COL4A4: variants seen among roughly 807,000 people sequenced by gnomAD.
The protein encoded by COL4A4 is collagen alpha-4(IV) chain.
Under a neutral mutation model 192.9 loss-of-function variants are expected in COL4A4, and 105 were observed. The ratio of observed to expected loss-of-function variants is 0.54; its 90% confidence interval spans 0.46 to 0.64. COL4A4 has a LOEUF of 0.64. COL4A4 is among the 30% of genes least tolerant of loss of function. The probability of loss-of-function intolerance (pLI) is 0.00; values close to 1 mark genes in which losing one functional copy is unlikely to be tolerated. For synonymous variants in COL4A4, 762 were observed against 769.9 expected (o/e 0.99, Z 0.17); for missense variants, 1,967 against 2,169.3 (o/e 0.91, Z 1.85).
intron 35 of COL4A4, among the ~76,000 whole-genome samples, chr2:227,043,691 CATG>C (rs1202386186): frequency 6.6e-6 from 1 of 152,096 alleles, no homozygotes; most frequent in Non-Finnish European, 1.5e-5. Flanking sequence ...GGATAAATAG[CATG>C]ATATTTTGGT....
chr2:226,987,425 C>T, the COL4A4 span, among the ~76,000 whole-genome samples: 4 of 152,200 alleles, frequency 2.6e-5, no homozygotes, highest in East Asian at 7.7e-4. Context: ...AGCATGGCTG[C>T]TTCTGTGCCC....
At chr2:226,988,280 A>C in the COL4A4 span, 1 of 1,520,542 alleles carries the variant, frequency 6.6e-7, no homozygotes, top group Non-Finnish European at 8.8e-7. Context: ...GGCCACTGTA[A>C]GTCTCTTCCC....
At chr2:226,977,244 T>A in the COL4A4 span, among the ~76,000 whole-genome samples, 1 of 152,118 alleles carries the variant, frequency 6.6e-6, no homozygotes, top group Non-Finnish European at 1.5e-5. Context: ...AAGCTCCCCC[T>A]CCCTTTAGTT....
At chr2:227,108,376 G>A (rs1254924746) in intron 12 of COL4A4, among the ~76,000 whole-genome samples, 4 of 152,142 alleles carry the variant, frequency 2.6e-5, no homozygotes, top group African/African-American at 4.8e-5. Context: ...AAATTAACCC[G>A]AAAGTAGTGT....
rs2059820036 is a variant in COL4A4, at chr2:227,089,900, G to A, written c.1427C>T (p.Pro476Leu). 2 of 1,613,440 alleles carry A rather than the reference G, an allele frequency of 1.2e-6. No individual in the cohort carries two copies. The highest frequency in any genetic ancestry group is 1.3e-5 in the African/African-American group (1 of 74,774). The change falls in exon 21 of 48, where the codon CCC (proline) becomes CTC (leucine). Residue 476 changes from proline to leucine, a missense_variant. Coordinates refer to ENST00000396625, the MANE Select transcript of COL4A4 (RefSeq NM_000092.5). ...TCCTTTTGGGCCTCTTCCTCCTGGGGGACCAACTTTGCCTTTTATTCCTTG... is the reference window on the plus strand; with the variant it reads ...TCCTTTTGGGCCTCTTCCTCCTGGGAGACCAACTTTGCCTTTTATTCCTTG... ...GPQGIKGKVG[P>L]PGGRGPKGEK...
chr2:227,101,780 C>T, intron 16 of COL4A4, 85 bp downstream of exon 16: 1 of 1,183,770 alleles, frequency 8.4e-7, no homozygotes, highest in Non-Finnish European at 1.2e-6. Flanking sequence ...ACTGTGTTTG[C>T]ACGCAACAGT....
the COL4A4 span, among the ~76,000 whole-genome samples, chr2:226,975,742 C>T: frequency 6.6e-6 from 1 of 152,156 alleles, no homozygotes; most frequent in African/African-American, 2.4e-5. Flanking sequence ...TTAAGTATTG[C>T]CTTGTGTACT....
rs1362183373 is a variant in COL4A4, at chr2:227,062,430, C to T, written c.2056+100G>A. 12 of 785,796 alleles carry T rather than the reference C, an allele frequency of 1.5e-5. No individual in the cohort carries two copies. The East Asian group carries it at 3.1e-4, about 20-fold the overall frequency. The allele number at this position is 785,796 out of a possible 1,614,324, so 48.7% of individuals were successfully genotyped here. Reference sequence around the variant, plus strand: ...GGTCCCTCAAAACTTCAGAAATGTCCTAACTAGTCTGAGGATTCACTCTTG... The same window carrying T: ...GGTCCCTCAAAACTTCAGAAATGTCTTAACTAGTCTGAGGATTCACTCTTG... On this transcript the variant is annotated intron_variant, in intron 26 of 47. Coordinates refer to ENST00000396625, the MANE Select transcript of COL4A4 (RefSeq NM_000092.5).
intron 25 of COL4A4, among the ~76,000 whole-genome samples, chr2:227,074,597 C>A (rs1011536306): frequency 6.6e-6 from 1 of 152,268 alleles, no homozygotes; most frequent in South Asian, 2.1e-4. Context: ...AAGACACTTG[C>A]ACATGTATGT....
Position 227,105,885 on chromosome 2 carries a change from T to C in COL4A4, c.736-1833A>G, listed in dbSNP as rs189284248. 4.4e-4 allele frequency among the ~76,000 whole-genome samples: 67 copies of C among 152,294 alleles called. 1 individual carries two copies. Among genetic ancestry groups the C allele is most frequent in the Admixed American group, 4.1e-3 (62 of 15,296 alleles). On this transcript the variant is annotated intron_variant, in intron 12 of 47. Coordinates refer to ENST00000396625, the MANE Select transcript of COL4A4 (RefSeq NM_000092.5). ...ATTTTTCTTCTCTGTGAAATGGAGATTGTAATATTACCTACCTCAAACTAT... is the reference window on the plus strand; with the variant it reads ...ATTTTTCTTCTCTGTGAAATGGAGACTGTAATATTACCTACCTCAAACTAT...
Position 227,080,443 on chromosome 2 carries a change from TG to T in COL4A4, c.1802del (p.Pro601GlnfsTer52). On this transcript the variant is annotated frameshift_variant and splice_region_variant, in exon 24 of 48. Coordinates refer to ENST00000396625, the MANE Select transcript of COL4A4 (RefSeq NM_000092.5). LOFTEE classifies it high-confidence loss of function. The stretch of plus-strand genomic sequence containing the variant: ...ATAGCAAGAGAAGAATTCTACATAC[TG>T]GAGGTCCTGGATCCCCTTTTTCTCC... ...HAGEKGDPGP[P>X]GDHEDATPGG... 6.2e-7 allele frequency: 1 copy of T among 1,612,586 alleles called. No homozygotes were observed. The highest frequency in any genetic ancestry group is 8.5e-7 in the Non-Finnish European group (1 of 1,178,594).
Position 227,022,062 on chromosome 2 carries a change from CCT to C in COL4A4, c.4200_4201del (p.Gly1401ProfsTer31). The C allele has an allele frequency of 3.1e-6, 5 of 1,613,948 alleles. No individual in the cohort carries two copies. The highest frequency in any genetic ancestry group is 3.4e-6 in the Non-Finnish European group (4 of 1,179,900). ...GCGGCTCATACCTGGTCCTGAGGGG[CCT>C]CTCATTCCAGGGAGCCCCATGGCTC... On this transcript the variant is annotated frameshift_variant, in exon 44 of 48. Transcript: ENST00000396625. LOFTEE classifies it high-confidence loss of function.
intron 4 of COL4A4, among the ~76,000 whole-genome samples, chr2:227,128,305 T>C (rs1294289306): frequency 6.6e-6 from 1 of 152,240 alleles, no homozygotes; most frequent in Non-Finnish European, 1.5e-5. Flanking sequence ...TTCTTATTTT[T>C]ACACTTAAAA....
At chr2:227,067,088 T>G (rs1451477010) in intron 25 of COL4A4, among the ~76,000 whole-genome samples, 3 of 151,736 alleles carry the variant, frequency 2.0e-5, no homozygotes, top group Non-Finnish European at 2.9e-5. Flanking sequence ...TAAAACAGAC[T>G]TTAAACCAAC....
intron 25 of COL4A4, among the ~76,000 whole-genome samples, chr2:227,070,400 C>T (rs2058640754): frequency 6.6e-6 from 1 of 152,124 alleles, no homozygotes; most frequent in Non-Finnish European, 1.5e-5. Context: ...AATCATGCTG[C>T]TTTAAAGACA....
chr2:227,033,863 C>T (rs925536598), intron 37 of COL4A4, among the ~76,000 whole-genome samples: 4 of 150,196 alleles, frequency 2.7e-5, no homozygotes, highest in Non-Finnish European at 4.4e-5. Context: ...GGCCTCACAC[C>T]TCCCAGGCTT....
intron 20 of COL4A4, among the ~76,000 whole-genome samples, chr2:227,090,890 AG>A (rs890552447): frequency 9.3e-5 from 14 of 150,152 alleles, no homozygotes; most frequent in African/African-American, 3.2e-4. Context: ...AAAAAAAAAA[AG>A]CTGAATTTGA....
At chr2:227,097,069 C>T (rs1310552093) in intron 19 of COL4A4, among the ~76,000 whole-genome samples, 2 of 152,176 alleles carry the variant, frequency 1.3e-5, no homozygotes, top group Non-Finnish European at 2.9e-5. Flanking sequence ...TGGCTGCCAT[C>T]TTGTCTTCAT....
chr2:227,017,551 T>C (rs995716219), intron 44 of COL4A4, among the ~76,000 whole-genome samples: 1 of 152,174 alleles, frequency 6.6e-6, no homozygotes, highest in Non-Finnish European at 1.5e-5. Context: ...GAAAACACTT[T>C]TGAGTTCACT....
Sources: gnomAD v4.1 joint callset for allele counts (sites outside exome capture counted in the v4.1 genomes callset) on GRCh38, gnomAD v4.1.1 for gene constraint, MANE v1.5 for transcripts, NCBI Gene and HGNC (gene_info 2026-07-23, HGNC 2026-07-21) for gene names.